The following DLG2 variants were observed in gnomAD, a reference collection of about 807,000 sequenced individuals.
DLG2 encodes disks large homolog 2.
A neutral mutation model predicts 132.5 loss-of-function variants in DLG2; 45 were observed. The ratio of observed to expected loss-of-function variants is 0.34; its 90% CI spans 0.27 to 0.44. The LOEUF is 0.44. Among genes scored for constraint, DLG2 ranks in the 20% least tolerant of loss-of-function variants. The pLI is 1.00. For synonymous variants in DLG2, 424 were observed against 419.6 expected (o/e 1.01, Z -0.13); for missense variants, 1,045 against 1,196.9 (o/e 0.87, Z 1.87).
At chr11:83,678,274 C>A (rs1269345368) in intron 18 of DLG2, among the ~76,000 whole-genome samples, 1 of 152,148 alleles carries the variant, frequency 6.6e-6, no homozygotes, top group Admixed American at 6.5e-5. Flanking sequence ...CAGACAAAAG[C>A]CCCACAAAAC....
intron 6 of DLG2, among the ~76,000 whole-genome samples, chr11:84,781,482 T>C (rs1156852977): frequency 6.6e-6 from 1 of 151,868 alleles, no homozygotes; most frequent in Non-Finnish European, 1.5e-5. Flanking sequence ...TGTGGTAGCA[T>C]CAAGAATACT....
chr11:84,888,013 A>AAAC (rs909413422), intron 6 of DLG2, among the ~76,000 whole-genome samples: 5 of 152,256 alleles, frequency 3.3e-5, no homozygotes, highest in East Asian at 3.9e-4. Context: ...ATGTTGTAAT[A>AAAC]AACAACAACA....
At chr11:83,770,601 G>T (rs2094354323) in intron 18 of DLG2, among the ~76,000 whole-genome samples, 1 of 152,066 alleles carries the variant, frequency 6.6e-6, no homozygotes, top group Admixed American at 6.5e-5. Flanking sequence ...GTAAATGCTT[G>T]ATAAGTGCGC....
intron 6 of DLG2, among the ~76,000 whole-genome samples, chr11:84,724,054 T>C (rs1352040237): frequency 2.0e-5 from 3 of 152,146 alleles, no homozygotes; most frequent in African/African-American, 7.2e-5. Flanking sequence ...ATCCTTTTCA[T>C]AGCAATTTTT....
At chr11:84,744,184 G>A (rs1847062609) in intron 6 of DLG2, among the ~76,000 whole-genome samples, 1 of 152,114 alleles carries the variant, frequency 6.6e-6, no homozygotes, top group African/African-American at 2.4e-5. Flanking sequence ...CAACAACAAG[G>A]ACATAGCCCA....
intron 17 of DLG2, among the ~76,000 whole-genome samples, chr11:83,809,898 A>T (rs868688295): frequency 6.6e-6 from 1 of 152,274 alleles, no homozygotes; most frequent in South Asian, 2.1e-4. Context: ...ATTTGCAGAG[A>T]ATGCATCATT....
At chr11:84,059,639 T>C (rs17146707) in intron 10 of DLG2, among the ~76,000 whole-genome samples, 155 bp from the exon 11 acceptor site, 9,777 of 152,200 alleles carry the variant, frequency 0.064, 993 homozygotes, top group African/African-American at 0.22. Context: ...ATGAAGGAAA[T>C]CTAAAAAATG....
Position 85,559,309 on chromosome 11 carries a change from C to T in DLG2, c.40+39348G>A, listed in dbSNP as rs147957922. 8.8e-3 allele frequency among the ~76,000 whole-genome samples: 1,332 copies of T among 151,166 alleles called. 24 individuals carry two copies. Among genetic ancestry groups the T allele is most frequent in the African/African-American group, 0.031 (1,295 of 41,342 alleles). ...TGGGACTACAGGGTCCACCACCACA[C>T]CCAGCTAATTTTTATATTTTTAATA... On this transcript the variant is annotated intron_variant, in intron 3 of 27. Coordinates refer to ENST00000376104, the MANE Select transcript of DLG2 (RefSeq NM_001142699.3).
intron 6 of DLG2, among the ~76,000 whole-genome samples, chr11:84,836,009 A>T (rs1411204785): frequency 6.6e-6 from 1 of 151,760 alleles, no homozygotes; most frequent in African/African-American, 2.4e-5. Flanking sequence ...AGAAGAAAGA[A>T]AACAGGAGAG....
At chr11:85,249,635 A>G (rs1296410241) in intron 4 of DLG2, among the ~76,000 whole-genome samples, 1 of 152,098 alleles carries the variant, frequency 6.6e-6, no homozygotes, top group Non-Finnish European at 1.5e-5. Flanking sequence ...ATGCAGTGAC[A>G]CTACCAAAAG....
At chr11:84,819,001 C>G (rs1379732620) in intron 6 of DLG2, among the ~76,000 whole-genome samples, 1 of 151,140 alleles carries the variant, frequency 6.6e-6, no homozygotes, top group Non-Finnish European at 1.5e-5. Context: ...TTAATGAGAG[C>G]CCACGACTCA....
chr11:83,784,870 A>G (rs538637587), intron 18 of DLG2, among the ~76,000 whole-genome samples: 4 of 152,306 alleles, frequency 2.6e-5, no homozygotes, highest in African/African-American at 2.4e-5. Flanking sequence ...TTTTTCAGAA[A>G]CAGGAAAATG....
At chr11:83,789,327 T>A (rs1481810521) in intron 17 of DLG2, among the ~76,000 whole-genome samples, 1 of 150,702 alleles carries the variant, frequency 6.6e-6, no homozygotes, top group Non-Finnish European at 1.5e-5. Context: ...GCAATTTCCA[T>A]TCTGTTTAAT....
intron 21 of DLG2, among the ~76,000 whole-genome samples, chr11:83,500,398 T>A (rs147410373): frequency 6.6e-6 from 1 of 152,184 alleles, no homozygotes; most frequent in Non-Finnish European, 1.5e-5. Flanking sequence ...AGCATGGATA[T>A]GAACATGACC....
chr11:84,457,715 TTC>T (rs2099069080), intron 7 of DLG2, among the ~76,000 whole-genome samples: 1 of 150,964 alleles, frequency 6.6e-6, no homozygotes, highest in African/African-American at 2.4e-5. Context: ...AGTTTTATTC[TTC>T]TCTCTCACGT....
At chr11:85,411,662 G>T (rs1274747993) in intron 3 of DLG2, among the ~76,000 whole-genome samples, 3 of 151,804 alleles carry the variant, frequency 2.0e-5, no homozygotes, top group Non-Finnish European at 4.4e-5. Flanking sequence ...TAATTATTCT[G>T]TCAACAGATA....
At chr11:83,573,329 T>A (rs1301050599) in intron 19 of DLG2, among the ~76,000 whole-genome samples, 1 of 152,284 alleles carries the variant, frequency 6.6e-6, no homozygotes, top group East Asian at 1.9e-4. Flanking sequence ...AACAAATGCC[T>A]AAATTATCAC....
intron 3 of DLG2, among the ~76,000 whole-genome samples, chr11:85,314,478 A>G (rs147340865): frequency 6.6e-6 from 1 of 152,014 alleles, no homozygotes; most frequent in Admixed American, 6.6e-5. Flanking sequence ...TATATATTAT[A>G]CATGCACACA....
At chr11:83,613,213 C>T (rs754166899) in intron 19 of DLG2, among the ~76,000 whole-genome samples, 1 of 152,084 alleles carries the variant, frequency 6.6e-6, no homozygotes, top group Admixed American at 6.5e-5. Flanking sequence ...ACTATGGAGT[C>T]GGGAAGACTG....
Sources: allele counts gnomAD v4.1 joint callset (sites outside exome capture counted in the v4.1 genomes callset), GRCh38; gene constraint gnomAD v4.1.1; transcripts MANE v1.5; gene names NCBI Gene and HGNC (gene_info 2026-07-23, HGNC 2026-07-21).